Variants in MPRIP observed in about 807,000 individuals in gnomAD.
The protein encoded by MPRIP is myosin phosphatase Rho interacting protein.
MPRIP carries 59 observed loss-of-function variants against 234.9 expected under a neutral mutation model. The observed-to-expected ratio is 0.25, with a 90% CI of 0.20 to 0.31. The LOEUF (loss-of-function observed/expected upper bound fraction) is 0.31. MPRIP is among the 10% of genes least tolerant of loss of function. The pLI, the probability that MPRIP is intolerant of heterozygous loss-of-function variation, is 1.00. For missense variants in MPRIP, 2,436 were observed against 3,071.0 expected (o/e 0.79, Z 4.89); for synonymous variants, 1,144 against 1,263.9 (o/e 0.91, Z 2.01).
chr17:17,134,901 C>T (rs370390365), intron 5 of MPRIP, among the ~76,000 whole-genome samples: 13 of 152,320 alleles, frequency 8.5e-5, no homozygotes, highest in East Asian at 7.7e-4. Context: ...TGCAAGTGTG[C>T]GCACATACAT....
At chr17:17,068,361 G>C (rs1406297758) in intron 1 of MPRIP, among the ~76,000 whole-genome samples, 1 of 151,946 alleles carries the variant, frequency 6.6e-6, no homozygotes, top group Non-Finnish European at 1.5e-5. Flanking sequence ...TGTTGGTCAG[G>C]CTGGTCTCGA....
chr17:17,114,378 C>A (rs1297440169), intron 3 of MPRIP, among the ~76,000 whole-genome samples: 1 of 152,158 alleles, frequency 6.6e-6, no homozygotes. Context: ...TTTTCGCTCT[C>A]TTGGTCCTTA....
intron 22 of MPRIP, among the ~76,000 whole-genome samples, chr17:17,179,798 C>A (rs961822936): frequency 1.3e-5 from 2 of 152,122 alleles, no homozygotes; most frequent in Non-Finnish European, 2.9e-5. Flanking sequence ...ACACATTCTC[C>A]CATTGTGCTG....
At chr17:17,059,564 C>T (rs1297749892) in intron 1 of MPRIP, among the ~76,000 whole-genome samples, 1 of 152,226 alleles carries the variant, frequency 6.6e-6, no homozygotes, top group Non-Finnish European at 1.5e-5. Flanking sequence ...CCCCTGACTT[C>T]CATTTCTGAA....
At chr17:17,112,093 C>T (rs2090183968) in intron 3 of MPRIP, among the ~76,000 whole-genome samples, 9 of 152,178 alleles carry the variant, frequency 5.9e-5, no homozygotes, top group Admixed American at 5.9e-4. Flanking sequence ...GGGCATGCTG[C>T]TGCGCTTTTC....
At chr17:17,068,109 CT>C (rs1289174569) in intron 1 of MPRIP, among the ~76,000 whole-genome samples, 1 of 150,444 alleles carries the variant, frequency 6.6e-6, no homozygotes, top group Non-Finnish European at 1.5e-5. Context: ...GCCATTATGT[CT>C]TTTTTTTTCT....
At position 17,138,103 on chromosome 17, in the gene MPRIP, G is replaced by A. The variant is rs371917869; in HGVS notation, c.924G>A (p.Gln308=). ...HRYSCPESPS[Q]ELGGPLPSPG... Reference sequence around the variant, plus strand: ...ACAGTTGCCCCGAGTCGCCCTCCCAGGAGCTCGGTGGTCCTCTTCCTTCCC... The same window carrying A: ...ACAGTTGCCCCGAGTCGCCCTCCCAAGAGCTCGGTGGTCCTCTTCCTTCCC... Residue 308 remains glutamine, a synonymous_variant, in exon 7 of 24, where the codon CAG becomes CAA. Coordinates refer to ENST00000651222, the MANE Select transcript of MPRIP (RefSeq NM_001364716.4). The surrounding 1 kb of genome is among the most constrained non-coding windows in gnomAD (Gnocchi z 5.8). 3 of 1,527,960 alleles carry A rather than the reference G, an allele frequency of 2.0e-6. No individual in the cohort carries two copies. Among genetic ancestry groups the A allele is most frequent in the Non-Finnish European group, 2.6e-6 (3 of 1,134,490 alleles). The allele number at this position is 1,527,960 out of a possible 1,614,324, so 94.7% of individuals were successfully genotyped here. A position where few individuals can be genotyped will look rare whatever the true frequency, so the allele number is the denominator to read the frequency against.
In MPRIP at chr17:17,086,270, A is replaced by G. The variant is rs138786021; in HGVS notation, c.267+8194A>G. Among the ~76,000 whole-genome samples the G allele has an allele frequency of 1.7e-3, 253 of 152,248 alleles. 1 individual carries two copies. Among genetic ancestry groups the G allele is most frequent in the Middle Eastern group, 6.8e-3 (2 of 294 alleles). On this transcript the variant is annotated intron_variant, in intron 3 of 23. Transcript: ENST00000651222. ...GATTCCAGAAATTGAAGACAAGCCA[A>G]GGGTGTTGAGAAGGTTCTTCCAGGG...
intron 3 of MPRIP, among the ~76,000 whole-genome samples, chr17:17,117,147 C>T (rs1484043157): frequency 1.3e-5 from 2 of 152,166 alleles, no homozygotes. Context: ...CCCAAACATT[C>T]GAGGAAAGTT....
At chr17:17,180,808 G>T in intron 23 of MPRIP, 11 of 896,118 alleles carry the variant, frequency 1.2e-5, no homozygotes, top group South Asian at 6.1e-5. Flanking sequence ...AACCTGCTCT[G>T]GGGAGTTAAT....
intron 14 of MPRIP, 70 bp downstream of exon 14, chr17:17,159,072 G>A (rs866985106): frequency 2.5e-5 from 37 of 1,484,650 alleles, no homozygotes; most frequent in Middle Eastern, 1.8e-4. Context: ...GTGCCCAGCT[G>A]TGGCCTGAGG....
chr17:17,057,490 C>A, intron 1 of MPRIP: 1 of 656,428 alleles, frequency 1.5e-6, no homozygotes, highest in Non-Finnish European at 2.8e-6. Flanking sequence ...GGTGCCTTCC[C>A]AGTGCTAGGT....
chr17:17,070,556 G>C (rs1244682644), intron 1 of MPRIP, among the ~76,000 whole-genome samples: 1 of 152,140 alleles, frequency 6.6e-6, no homozygotes, highest in Non-Finnish European at 1.5e-5. Context: ...GCCCACCCGG[G>C]AGCTTTTATT....
chr17:17,099,743 T>G (rs952680842), intron 3 of MPRIP, among the ~76,000 whole-genome samples: 10 of 152,092 alleles, frequency 6.6e-5, no homozygotes, highest in African/African-American at 2.4e-4. Context: ...TTAAAAAAAA[T>G]GTAGACAATA....
chr17:17,123,490 C>A (rs374621763), intron 3 of MPRIP, among the ~76,000 whole-genome samples: 2 of 152,050 alleles, frequency 1.3e-5, no homozygotes, highest in East Asian at 3.9e-4. Flanking sequence ...TGGTGAAACC[C>A]CGTCTCTACT....
chr17:17,115,884 G>T (rs537077563), intron 3 of MPRIP, among the ~76,000 whole-genome samples: 15 of 152,254 alleles, frequency 9.9e-5, no homozygotes, highest in Admixed American at 5.9e-4. Context: ...TTCCTCAGGG[G>T]CCTGCATCTC....
At chr17:17,072,239 T>C (rs1567696105) in intron 1 of MPRIP, among the ~76,000 whole-genome samples, 1 of 152,148 alleles carries the variant, frequency 6.6e-6, no homozygotes, top group Non-Finnish European at 1.5e-5. Flanking sequence ...TGGGAGGCCT[T>C]TCCCACGCCT....
At chr17:17,137,771 C>T (rs2090732193) in intron 6 of MPRIP, 145 bp from the exon 7 acceptor site, 5 of 562,172 alleles carry the variant, frequency 8.9e-6, no homozygotes. Flanking sequence ...CTCACTCTGC[C>T]CTTGAGTGGG....
intron 1 of MPRIP, among the ~76,000 whole-genome samples, chr17:17,075,357 G>A (rs758213318): frequency 1.6e-4 from 24 of 152,008 alleles, no homozygotes; most frequent in Non-Finnish European, 3.4e-4. Context: ...CCTATTTCCT[G>A]GCGCCTGGCA....
Sources: gnomAD v4.1 joint callset for allele counts (sites outside exome capture counted in the v4.1 genomes callset) on GRCh38, gnomAD v4.1.1 for gene constraint, Gnocchi (gnomAD v3.1) non-coding constraint, MANE v1.5 for transcripts, NCBI Gene and HGNC (gene_info 2026-07-23, HGNC 2026-07-21) for gene names.